Variants in CHD1L observed in about 807,000 individuals in gnomAD.
The protein encoded by CHD1L is ATP-dependent chromatin remodeler CHD1L.
A neutral mutation model predicts 115.9 loss-of-function variants in CHD1L; 118 were observed. That is an observed-to-expected ratio of 1.02 (90% confidence interval 0.88 to 1.19). CHD1L has a LOEUF of 1.19. Among genes scored for constraint, CHD1L ranks in the 50% most tolerant of loss-of-function variants. The pLI is 0.00. For missense variants in CHD1L, 1,179 were observed against 1,065.3 expected (o/e 1.11, Z -1.49); for synonymous variants, 411 against 387.1 (o/e 1.06, Z -0.72).
At chr1:147,277,450 G>A (rs1443931841) in intron 14 of CHD1L, among the ~76,000 whole-genome samples, 1 of 152,166 alleles carries the variant, frequency 6.6e-6, no homozygotes, top group Non-Finnish European at 1.5e-5. Context: ...GCAAAAGACA[G>A]GGATCCTGTT....
chr1:147,268,868 C>A lies in CHD1L; in HGVS notation c.1075C>A (p.Leu359Met). 1.9e-6 allele frequency: 3 copies of A among 1,612,506 alleles called. No homozygotes were observed. The highest frequency in any genetic ancestry group is 1.1e-5 in the South Asian group (1 of 91,002). ...LHLLDKLLAF[L>M]YSGGHRVLLF... ...CCTGCTGGATAAGCTACTAGCATTCCTGTATTCTGGGTAGGTGGTAGGTTC... is the reference window on the plus strand; with the variant it reads ...CCTGCTGGATAAGCTACTAGCATTCATGTATTCTGGGTAGGTGGTAGGTTC... The change falls in exon 10 of 23, where the codon CTG becomes ATG. Residue 359 changes from leucine to methionine, a missense_variant. By Grantham distance (15) the Leu-to-Met change is conservative. Coordinates refer to ENST00000369258, the MANE Select transcript of CHD1L (RefSeq NM_004284.6).
At chr1:147,246,896 A>G (rs1290192287) in intron 1 of CHD1L, among the ~76,000 whole-genome samples, 2 of 152,206 alleles carry the variant, frequency 1.3e-5, no homozygotes, top group East Asian at 1.9e-4. Context: ...GGTGTCAAAT[A>G]TAAGAACTCA....
At chr1:147,241,078 TTTA>T (rs1664825950), upstream of CHD1L, among the ~76,000 whole-genome samples, 1 of 152,170 alleles carries the variant, frequency 6.6e-6, no homozygotes, top group Non-Finnish European at 1.5e-5. Flanking sequence ...CTACCTGATT[TTTA>T]TTTATTGCTT....
intron 3 of CHD1L, among the ~76,000 whole-genome samples, chr1:147,255,500 T>G (rs1669798953): frequency 6.6e-6 from 1 of 152,200 alleles, no homozygotes; most frequent in Non-Finnish European, 1.5e-5. Flanking sequence ...GTGCTGGGAT[T>G]ACAGGTGTGA....
At chr1:147,281,563 G>C (rs907566487) in intron 15 of CHD1L, among the ~76,000 whole-genome samples, 1 of 152,040 alleles carries the variant, frequency 6.6e-6, no homozygotes, top group Non-Finnish European at 1.5e-5. Flanking sequence ...TTGATTTTAT[G>C]TTTTATCTTC....
rs183463233 is a variant in CHD1L at position 147,278,643 on chromosome 1, C to T, written c.1540-1383C>T. Among the ~76,000 whole-genome samples, 171 of 151,816 alleles carry T rather than the reference C, an allele frequency of 1.1e-3. 1 individual carries two copies. The highest frequency in any genetic ancestry group is 3.8e-3 in the African/African-American group (158 of 41,390). ...GAAAGAAGGAAACAGGTTTTTTATC[C>T]TGCAGGGAGGACACAGTAGAAACAG... is the stretch of plus-strand genomic sequence containing the variant. On this transcript the variant is annotated intron_variant, in intron 14 of 22. Coordinates refer to ENST00000369258, the MANE Select transcript of CHD1L (RefSeq NM_004284.6).
At position 147,276,597 on chromosome 1, in the gene CHD1L, C is replaced by T. The variant is rs1678574806; in HGVS notation, c.1539+340C>T. Among the ~76,000 whole-genome samples the T allele has an allele frequency of 2.6e-5, 4 of 152,174 alleles. No homozygotes were observed. In the South Asian group the frequency reaches 8.3e-4, roughly 31 times the overall value. ...GAACTCAATAACAATTAATTCTGTA[C>T]TTCCACCTTAGTCCCAGAGCCTTTG... On this transcript the variant is annotated intron_variant, in intron 14 of 22. Transcript: ENST00000369258.
At chr1:147,275,329 A>C (rs782788187) in intron 12 of CHD1L, 25 bp from the exon 13 acceptor site, 1 of 1,548,624 alleles carries the variant, frequency 6.5e-7, no homozygotes, top group Non-Finnish European at 8.9e-7. Flanking sequence ...GCTGCTGATT[A>C]CATTCCTTTT....
At chr1:147,199,608 A>G in the CHD1L span, among the ~76,000 whole-genome samples, 13 of 152,184 alleles carry the variant, frequency 8.5e-5, no homozygotes, top group Non-Finnish European at 1.3e-4. Flanking sequence ...AAAGTATACT[A>G]AGATGCTGTG....
At chr1:147,187,400 G>C in the CHD1L span, among the ~76,000 whole-genome samples, 15 of 152,180 alleles carry the variant, frequency 9.9e-5, no homozygotes, top group African/African-American at 3.6e-4. Context: ...TGTCCTTAAG[G>C]ATCTTAGGAC....
chr1:147,189,189 G>T, the CHD1L span, among the ~76,000 whole-genome samples: 4 of 151,824 alleles, frequency 2.6e-5, no homozygotes, highest in African/African-American at 9.7e-5. Flanking sequence ...CAGGAGAATC[G>T]CTTGAACCCA....
rs145418679 is a variant in CHD1L, at chr1:147,275,118, G to A, written c.1271-236G>A. Among the ~76,000 whole-genome samples the A allele has an allele frequency of 9.2e-5, 14 of 152,208 alleles. No individual in the cohort carries two copies. In the East Asian group the frequency reaches 1.2e-3, roughly 13 times the overall value. Reference sequence around the variant, plus strand: ...CACCTTGGCCACTTGCCCCTGCTCCGCTCATTCTGTTCCATTCAGTAATAA... The same window carrying A: ...CACCTTGGCCACTTGCCCCTGCTCCACTCATTCTGTTCCATTCAGTAATAA... On this transcript the variant is annotated intron_variant, in intron 12 of 22. Coordinates refer to ENST00000369258, the MANE Select transcript of CHD1L (RefSeq NM_004284.6).
At chr1:147,256,646 C>T (rs1670258688) in intron 5 of CHD1L, 84 bp downstream of exon 5, 1 of 1,336,536 alleles carries the variant, frequency 7.5e-7, no homozygotes, top group Non-Finnish European at 1.1e-6. Context: ...TACTTTGCCT[C>T]TCCTGGCATG....
rs1179242572 is a variant in CHD1L at position 147,285,495 on chromosome 1, T to C, written c.2018+8T>C. The C allele has an allele frequency of 1.1e-5, 17 of 1,605,008 alleles. No homozygotes were observed. Among genetic ancestry groups the C allele is most frequent in the African/African-American group, 2.7e-5 (2 of 74,134 alleles). On this transcript the variant is annotated splice_region_variant and intron_variant, in intron 17 of 22. Coordinates refer to ENST00000369258, the MANE Select transcript of CHD1L (RefSeq NM_004284.6). Reference sequence around the variant, plus strand: ...GGCTGAACATAAGAAAAAGTATGTCTGCGTTAACCAAGCTGGCGGCCACAG... The same window carrying C: ...GGCTGAACATAAGAAAAAGTATGTCCGCGTTAACCAAGCTGGCGGCCACAG...
the CHD1L span, among the ~76,000 whole-genome samples, chr1:147,187,414 C>A: frequency 6.6e-6 from 1 of 152,012 alleles, no homozygotes; most frequent in East Asian, 1.9e-4. Context: ...TTAGGACTTA[C>A]AAAAGGAGAT....
chr1:147,259,107 A>G (rs921393475), intron 5 of CHD1L: 1 of 152,168 alleles, frequency 6.6e-6, no homozygotes, highest in African/African-American at 2.4e-5. Context: ...ACATTCCCAC[A>G]TATATCTTTT....
the CHD1L span, chr1:147,184,632 T>G: frequency 2.6e-6 from 4 of 1,536,304 alleles, no homozygotes; most frequent in African/African-American, 1.4e-5. The surrounding 1 kb of genome is among the most constrained non-coding windows in gnomAD (Gnocchi z 4.4). Context: ...ATGGTTAGAC[T>G]GCATTATGGT....
At chr1:147,192,698 T>C in the CHD1L span, among the ~76,000 whole-genome samples, 34 of 152,150 alleles carry the variant, frequency 2.2e-4, no homozygotes, top group Admixed American at 3.3e-4. Flanking sequence ...CGATACCTAA[T>C]TTATTGAGAG....
At chr1:147,224,807 G>C in the CHD1L span, 1 of 1,368,580 alleles carries the variant, frequency 7.3e-7, no homozygotes, top group African/African-American at 1.4e-5. Context: ...AACCGCGCCC[G>C]GCCACCTGAC....
Sources: allele counts gnomAD v4.1 joint callset (sites outside exome capture counted in the v4.1 genomes callset), GRCh38; gene constraint gnomAD v4.1.1; non-coding constraint Gnocchi (gnomAD v3.1); transcripts MANE v1.5; gene names NCBI Gene and HGNC (gene_info 2026-07-23, HGNC 2026-07-21).